Variants in ITPRID1 observed in about 807,000 individuals in gnomAD.
ITPRID1 encodes the protein ITPR interacting domain containing 1.
ITPRID1 carries 96 observed loss-of-function variants against 95.4 expected under a neutral mutation model. That is an observed-to-expected ratio of 1.01 (90% CI 0.85 to 1.19). The LOEUF (loss-of-function observed/expected upper bound fraction) is 1.19. ITPRID1 is among the 50% of genes most tolerant of loss of function. The probability of loss-of-function intolerance (pLI) is 0.00; values close to 1 mark genes in which losing one functional copy is unlikely to be tolerated. For synonymous variants in ITPRID1, 510 were observed against 453.6 expected (o/e 1.12, Z -1.58); for missense variants, 1,339 against 1,252.9 (o/e 1.07, Z -1.04).
At position 31,623,269 on chromosome 7, in the gene ITPRID1, C is replaced by T. The variant is rs982480930; in HGVS notation, c.1229-18907C>T. On this transcript the variant is annotated intron_variant, in intron 10 of 14. Transcript: ENST00000615280. ...ACTCATTTTCTGAGGCCAGCATCAT[C>T]CTGATACCAAAGCCGGGCAGAGACA... Among the ~76,000 whole-genome samples, 31 of 152,104 alleles carry T rather than the reference C, an allele frequency of 2.0e-4. No individual in the cohort carries two copies. The South Asian group carries it at 2.3e-3, about 11-fold the overall frequency.
intron 5 of ITPRID1, among the ~76,000 whole-genome samples, chr7:31,556,080 G>A (rs1784436698): frequency 6.6e-6 from 1 of 152,044 alleles, no homozygotes. Flanking sequence ...TGAGAGGCCT[G>A]GCACTGGTTC....
chr7:31,557,252 C>A (rs903801760), intron 5 of ITPRID1, among the ~76,000 whole-genome samples: 10 of 152,028 alleles, frequency 6.6e-5, no homozygotes, highest in Non-Finnish European at 1.2e-4. Flanking sequence ...GGCTGGTTTC[C>A]TTATTAATCA....
At chr7:31,647,049 T>C (rs1471438067) in intron 12 of ITPRID1, among the ~76,000 whole-genome samples, 2 of 152,212 alleles carry the variant, frequency 1.3e-5, no homozygotes, top group African/African-American at 2.4e-5. Flanking sequence ...TACGTGTGCA[T>C]ATTTATACTC....
chr7:31,650,084 G>T (rs1327186711), intron 12 of ITPRID1, among the ~76,000 whole-genome samples: 1 of 152,182 alleles, frequency 6.6e-6, no homozygotes, highest in African/African-American at 2.4e-5. Flanking sequence ...TGCCCTCCTA[G>T]AGACCGGGGA....
downstream of ITPRID1, chr7:31,658,154 T>G: frequency 3.7e-6 from 3 of 807,560 alleles, no homozygotes; most frequent in South Asian, 2.7e-5. Flanking sequence ...TGAACCACAG[T>G]GTATGCATAG....
intron 4 of ITPRID1, 117 bp downstream of exon 4, chr7:31,554,640 G>T (rs1203678111): frequency 1.5e-6 from 2 of 1,291,000 alleles, no homozygotes; most frequent in Non-Finnish European, 2.2e-6. Context: ...CATTTTAATT[G>T]TACGTGAAGT....
intron 10 of ITPRID1, among the ~76,000 whole-genome samples, chr7:31,599,584 ATTTT>A (rs1312432695): frequency 4.0e-5 from 5 of 124,308 alleles, no homozygotes; most frequent in African/African-American, 1.5e-4. Flanking sequence ...TTGTTGTGTT[ATTTT>A]CTTTCTTTCT....
chr7:31,652,538 A>C lies in ITPRID1; in HGVS notation c.2844A>C (p.Ala948=). The change falls in exon 15 of 15, where the codon GCA becomes GCC. Residue 948 remains alanine, a synonymous_variant. Transcript: ENST00000615280. ...TTTAGCAGCTGGAGGTTCTCACAGC[A>C]GAGCCACCTGAACACTATTCAAATC... is the stretch of plus-strand genomic sequence containing the variant. ...GILLQLEVLT[A]EPPEHYSNLH... 1 of 1,603,368 alleles carries C rather than the reference A, an allele frequency of 6.2e-7. No homozygotes were observed. The highest frequency in any genetic ancestry group is 8.5e-7 in the Non-Finnish European group (1 of 1,174,230).
chr7:31,643,408 A>C lies in ITPRID1; in HGVS notation c.2038A>C (p.Arg680=). 6.2e-7 allele frequency: 1 copy of C among 1,613,978 alleles called. No homozygotes were observed. Among genetic ancestry groups the C allele is most frequent in the Non-Finnish European group, 8.5e-7 (1 of 1,179,886 alleles). The change falls in exon 12 of 15, where the codon AGG becomes CGG. Residue 680 remains arginine (R), a synonymous_variant. Transcript: ENST00000615280. The part of the protein sequence containing the change: ...LPGDPAQVKS[R]SGTLGQILPG... ...TGGAGATCCTGCCCAGGTGAAGTCA[A>C]GGTCTGGTACTTTGGGTCAGATACT...
At chr7:31,580,402 A>G (rs906029439) in intron 9 of ITPRID1, among the ~76,000 whole-genome samples, 3 of 152,076 alleles carry the variant, frequency 2.0e-5, no homozygotes, top group South Asian at 2.1e-4. Context: ...GTCAGACTCT[A>G]TTGTCCCTGA....
At chr7:31,628,217 A>C (rs886836563) in intron 10 of ITPRID1, among the ~76,000 whole-genome samples, 4 of 152,144 alleles carry the variant, frequency 2.6e-5, no homozygotes, top group African/African-American at 7.2e-5. Flanking sequence ...TCTGCCCTTC[A>C]ATCTCCTACT....
intron 1 of ITPRID1, among the ~76,000 whole-genome samples, chr7:31,533,555 A>C (rs1297355947): frequency 1.3e-5 from 2 of 152,104 alleles, no homozygotes; most frequent in Admixed American, 6.6e-5. Context: ...AAGTAGATTC[A>C]TGAGTCATTT....
intron 1 of ITPRID1, among the ~76,000 whole-genome samples, chr7:31,514,541 G>A (rs2128125014): frequency 6.6e-6 from 1 of 152,246 alleles, no homozygotes; most frequent in East Asian, 1.9e-4. Context: ...GTGGTTTTGA[G>A]AGCTAGCCAA....
In ITPRID1 at chr7:31,586,086, G is replaced by A. The variant is rs1464199854; in HGVS notation, c.1228+2895G>A. On this transcript the variant is annotated intron_variant, in intron 10 of 14. Transcript: ENST00000615280. Reference sequence around the variant, plus strand: ...TTCCCACCTATGAGTGAGAATATGCGGTGTTTGGTTTTTTGTTCTTGCGAT... The same window carrying A: ...TTCCCACCTATGAGTGAGAATATGCAGTGTTTGGTTTTTTGTTCTTGCGAT... Among the ~76,000 whole-genome samples, 8 of 141,824 alleles carry A rather than the reference G, an allele frequency of 5.6e-5. No homozygotes were observed. The South Asian group carries it at 7.1e-4, about 13-fold the overall frequency. The allele number at this position is 141,824 out of a possible 152,430, so 93.0% of individuals were successfully genotyped here.
At chr7:31,645,510 C>G (rs895893457) in intron 12 of ITPRID1, among the ~76,000 whole-genome samples, 2 of 151,960 alleles carry the variant, frequency 1.3e-5, no homozygotes, top group African/African-American at 4.8e-5. Flanking sequence ...AGAACAAAAC[C>G]TAATGTATGC....
chr7:31,598,376 T>C (rs758411950), intron 10 of ITPRID1, among the ~76,000 whole-genome samples: 8 of 149,764 alleles, frequency 5.3e-5, no homozygotes, highest in Non-Finnish European at 1.2e-4. Context: ...GTGGCTAAAA[T>C]AGCGAATTTC....
In ITPRID1 at chr7:31,646,216, T is replaced by G. The variant is rs373986152; in HGVS notation, c.2583+2263T>G. The stretch of plus-strand genomic sequence containing the variant: ...GGAGAAATGGTTTTTCTAGACCTGT[T>G]TAATCCATCAGGCAAACCACAGCAC... On this transcript the variant is annotated intron_variant, in intron 12 of 14. Transcript: ENST00000615280. Among the ~76,000 whole-genome samples the G allele has an allele frequency of 9.2e-5, 14 of 152,340 alleles. No homozygotes were observed. In the East Asian group the frequency reaches 2.5e-3, roughly 27 times the overall value.
intron 10 of ITPRID1, among the ~76,000 whole-genome samples, chr7:31,623,542 C>T (rs1788133508): frequency 6.6e-6 from 1 of 151,548 alleles, no homozygotes; most frequent in South Asian, 2.1e-4. Context: ...AGGCCTTTGA[C>T]AAAATTCAAC....
chr7:31,535,267 T>C (rs1293679469), intron 1 of ITPRID1, among the ~76,000 whole-genome samples: 2 of 152,108 alleles, frequency 1.3e-5, no homozygotes, highest in Non-Finnish European at 2.9e-5. Context: ...TCTAATGGTA[T>C]ACTTCGAAAT....
Sources: gnomAD v4.1 joint callset for allele counts (sites outside exome capture counted in the v4.1 genomes callset) on GRCh38, gnomAD v4.1.1 for gene constraint, MANE v1.5 for transcripts, NCBI Gene and HGNC (gene_info 2026-07-23, HGNC 2026-07-21) for gene names.